Variants in SPATA17 observed in about 807,000 individuals in gnomAD.
SPATA17 encodes spermatogenesis-associated protein 17.
In SPATA17, 53 loss-of-function variants were observed where a neutral mutation model predicts 62.2. The observed-to-expected ratio is 0.85, with a 90% confidence interval of 0.68 to 1.07. The LOEUF is 1.07. Ranked by LOEUF, SPATA17 falls within the 50% of genes least tolerant of loss-of-function variation. SPATA17 has a pLI of 0.00. For synonymous variants in SPATA17, 146 were observed against 146.8 expected, an observed-to-expected ratio of 0.99 and a Z score of 0.04; for missense variants, 466 against 425.5, an observed-to-expected ratio of 1.10 and a Z score of -0.84.
intron 9 of SPATA17, among the ~76,000 whole-genome samples, chr1:217,814,362 C>T (rs573048855): frequency 5.1e-4 from 77 of 152,202 alleles, no homozygotes; most frequent in Non-Finnish European, 9.1e-4. Flanking sequence ...TTAACATTTC[C>T]GTCGGAGGTC....
intron 6 of SPATA17, among the ~76,000 whole-genome samples, chr1:217,754,844 C>T (rs976004357): frequency 2.6e-5 from 4 of 152,036 alleles, no homozygotes; most frequent in Non-Finnish European, 5.9e-5. Flanking sequence ...ACAATATGCC[C>T]TTTATATTAA....
chr1:217,808,011 T>A (rs897931101), intron 9 of SPATA17, among the ~76,000 whole-genome samples: 1 of 152,148 alleles, frequency 6.6e-6, no homozygotes. Flanking sequence ...CAAAAGTATT[T>A]CTCTCTCAAG....
intron 3 of SPATA17, among the ~76,000 whole-genome samples, chr1:217,663,097 A>AAT (rs1670605602): frequency 3.9e-5 from 6 of 152,108 alleles, no homozygotes; most frequent in Non-Finnish European, 8.8e-5. Context: ...TAACTGGGAG[A>AAT]AAGAATATAA....
chr1:217,641,874 T>C (rs1045913729), intron 1 of SPATA17, among the ~76,000 whole-genome samples: 20 of 152,186 alleles, frequency 1.3e-4, no homozygotes, highest in Non-Finnish European at 2.9e-4. Flanking sequence ...GCCAAATTGC[T>C]CCAATAACGT....
chr1:217,738,082 T>TC (rs1033904044), intron 5 of SPATA17: 11 of 152,398 alleles, frequency 7.2e-5, no homozygotes, highest in African/African-American at 2.7e-4. Context: ...CGCCTTGGCC[T>TC]CCCAAAGTGC....
chr1:217,819,160 C>T (rs180717294), intron 9 of SPATA17, among the ~76,000 whole-genome samples: 21 of 151,606 alleles, frequency 1.4e-4, no homozygotes, highest in Admixed American at 1.3e-3. Context: ...TTTGCTGAAA[C>T]ATTTGAATTC....
chr1:217,726,039 T>A (rs895046737), intron 5 of SPATA17, among the ~76,000 whole-genome samples: 1 of 152,222 alleles, frequency 6.6e-6, no homozygotes, highest in Non-Finnish European at 1.5e-5. Context: ...AAGTAATATA[T>A]TTTGTTGGAG....
At position 217,867,361 on chromosome 1, in the gene SPATA17, A is replaced by G. The variant is rs966242266; in HGVS notation, c.*342A>G. 6.6e-6 allele frequency: 1 copy of G among 152,146 alleles called. No individual in the cohort carries two copies. The highest frequency in any genetic ancestry group is 2.4e-5 in the African/African-American group (1 of 41,436). 9.4% of individuals were successfully genotyped at this position (152,146 alleles called of 1,614,324 possible). A position where few individuals can be genotyped will look rare whatever the true frequency, so the allele number is the denominator to read the frequency against. ...ATGATGACACCAGTGCTGGGTACCC[A>G]AATTAAGGGCGACTAACATGTAAGT... On this transcript the variant is annotated 3_prime_UTR_variant, in exon 11 of 11. Transcript: ENST00000366933.
chr1:217,687,546 T>G (rs1258036384), intron 5 of SPATA17, among the ~76,000 whole-genome samples: 1 of 152,226 alleles, frequency 6.6e-6, no homozygotes, highest in Non-Finnish European at 1.5e-5. Flanking sequence ...TTTAGATATG[T>G]TTCAATACAC....
intron 5 of SPATA17, among the ~76,000 whole-genome samples, chr1:217,714,939 A>T (rs181450201): frequency 3.9e-5 from 6 of 152,304 alleles, no homozygotes; most frequent in Non-Finnish European, 7.4e-5. Flanking sequence ...AGTCTGAGAA[A>T]ATTAGCTTAA....
chr1:217,709,790 A>G (rs151132922), intron 5 of SPATA17, among the ~76,000 whole-genome samples: 291 of 152,308 alleles, frequency 1.9e-3, no homozygotes, highest in Middle Eastern at 0.014. Context: ...TTTGCCTAGG[A>G]TAAAAGTTAC....
intron 5 of SPATA17, among the ~76,000 whole-genome samples, chr1:217,734,990 C>A (rs60443242): frequency 1.4e-4 from 21 of 152,110 alleles, no homozygotes; most frequent in East Asian, 1.9e-4. Flanking sequence ...GTTCTACCCC[C>A]GCTTCCCAAC....
chr1:217,728,103 C>G (rs764789520), intron 5 of SPATA17, among the ~76,000 whole-genome samples: 4 of 151,998 alleles, frequency 2.6e-5, no homozygotes, highest in Non-Finnish European at 5.9e-5. Flanking sequence ...AATAAAAGAA[C>G]AGTACTGGAA....
At chr1:217,724,788 T>C (rs1359745691) in intron 5 of SPATA17, among the ~76,000 whole-genome samples, 1 of 152,146 alleles carries the variant, frequency 6.6e-6, no homozygotes, top group African/African-American at 2.4e-5. Flanking sequence ...TAGCCATTTG[T>C]ATTCTGTAAT....
At chr1:217,849,522 A>G (rs539587779) in intron 9 of SPATA17, among the ~76,000 whole-genome samples, 1 of 143,020 alleles carries the variant, frequency 7.0e-6, no homozygotes, top group East Asian at 1.9e-4. Flanking sequence ...TGAAAACTAA[A>G]TATATATAAT....
Position 217,749,943 on chromosome 1 carries a change from T to TTCTCTC in SPATA17, c.519+7883_519+7888dup, listed in dbSNP as rs1188300100. Among the ~76,000 whole-genome samples the TTCTCTC allele has an allele frequency of 1.5e-3, 61 of 41,448 alleles. 3 individuals are homozygous for TTCTCTC. The highest frequency in any genetic ancestry group is 2.8e-3 in the East Asian group (5 of 1,768). 27.2% of individuals were successfully genotyped at this position (41,448 alleles called of 152,430 possible). On this transcript the variant is annotated intron_variant, in intron 6 of 10. Transcript: ENST00000366933. ...TATCCTAGAGAAATTTGTCATAAGA[T>TTCTCTC]TCTCTCTCTCTCTCTCTCTCTCTCT...
intron 2 of SPATA17, 44 bp downstream of exon 2, chr1:217,649,015 T>A: frequency 7.6e-7 from 1 of 1,322,050 alleles, no homozygotes; most frequent in Non-Finnish European, 1.1e-6. Flanking sequence ...ATCATAAAAA[T>A]ATATTCCTTA....
rs760550020 is a variant in SPATA17, at chr1:217,870,872, A to G, written c.*3853A>G. 1 of 152,212 alleles carries G rather than the reference A, an allele frequency of 6.6e-6. No homozygotes were observed. The highest frequency in any genetic ancestry group is 1.5e-5 in the Non-Finnish European group (1 of 68,024). 9.4% of individuals were successfully genotyped at this position (152,212 alleles called of 1,614,324 possible). On this transcript the variant is annotated 3_prime_UTR_variant, in exon 11 of 11. Transcript: ENST00000366933. ...TTTCTTGATAAATGCCCTGGACCCA[A>G]CATCTAACAGAATACCTGGCATAAA...
rs564057075 is a variant in SPATA17 at position 217,703,898 on chromosome 1, G to T, written c.395+20537G>T. 3.3e-5 allele frequency among the ~76,000 whole-genome samples: 5 copies of T among 151,978 alleles called. No homozygotes were observed. In the South Asian group the frequency reaches 8.3e-4, roughly 25 times the overall value. On this transcript the variant is annotated intron_variant, in intron 5 of 10. Coordinates refer to ENST00000366933, the MANE Select transcript of SPATA17 (RefSeq NM_138796.4). Reference sequence around the variant, plus strand: ...AATTCATGAATTTTCTCTTTAGTTTGTTATTGTCTGCTGTTAAACTCATTT... The same window carrying T: ...AATTCATGAATTTTCTCTTTAGTTTTTTATTGTCTGCTGTTAAACTCATTT...
Sources: allele counts gnomAD v4.1 joint callset (sites outside exome capture counted in the v4.1 genomes callset), GRCh38; gene constraint gnomAD v4.1.1; transcripts MANE v1.5; gene names NCBI Gene and HGNC (gene_info 2026-07-23, HGNC 2026-07-21).